The following RNF217 variants were observed in gnomAD, a reference collection of about 807,000 sequenced individuals.
RNF217 encodes the protein ring finger protein 217.
RNF217 carries 31 observed loss-of-function variants against 57.8 expected under a neutral mutation model. The ratio of observed to expected loss-of-function variants is 0.54; its 90% CI spans 0.40 to 0.72. The LOEUF (loss-of-function observed/expected upper bound fraction) is 0.72, where lower values mean the gene tolerates loss of function less well. Among genes scored for constraint, RNF217 ranks in the 30% least tolerant of loss-of-function variants. The pLI, the probability that RNF217 is intolerant of heterozygous loss-of-function variation, is 0.00. For missense variants in RNF217, 696 were observed against 708.3 expected (o/e 0.98, Z 0.20); for synonymous variants, 313 against 294.0 (o/e 1.06, Z -0.66).
intron 1 of RNF217, among the ~76,000 whole-genome samples, chr6:125,025,325 A>G (rs1223750498): frequency 6.6e-6 from 1 of 152,196 alleles, no homozygotes; most frequent in East Asian, 1.9e-4. Context: ...GCAAATGGAC[A>G]GATGATAAGG....
intron 3 of RNF217, among the ~76,000 whole-genome samples, chr6:125,067,289 GT>G (rs1424053486): frequency 6.6e-6 from 1 of 152,166 alleles, no homozygotes; most frequent in African/African-American, 2.4e-5. Flanking sequence ...AGATAGTTGG[GT>G]TTTATCCTCC....
At position 125,092,312 on chromosome 6, in the gene RNF217, C is replaced by T. The variant is rs1420601687; in HGVS notation, c.*9375C>T. The T allele has an allele frequency of 6.6e-6, 1 of 152,144 alleles. No individual in the cohort carries two copies. Among genetic ancestry groups the T allele is most frequent in the Non-Finnish European group, 1.5e-5 (1 of 68,020 alleles). The allele number at this position is 152,144 out of a possible 1,614,324, so 9.4% of individuals were successfully genotyped here. A position where few individuals can be genotyped will look rare whatever the true frequency, so the allele number is the denominator to read the frequency against. On this transcript the variant is annotated 3_prime_UTR_variant, in exon 6 of 6. Transcript: ENST00000521654. ...AGGGACAAGTCTTTCAAAAGACGGA[C>T]ACCTTGTGATATTTTGGAGTCTAAT...
intron 1 of RNF217, among the ~76,000 whole-genome samples, chr6:125,026,384 T>C (rs569327950): frequency 1.0e-3 from 156 of 152,266 alleles, no homozygotes; most frequent in African/African-American, 3.6e-3. Flanking sequence ...GGTTAATCAA[T>C]GGAAAATGCT....
At chr6:125,009,875 T>C (rs575489835) in intron 1 of RNF217, among the ~76,000 whole-genome samples, 1 of 152,314 alleles carries the variant, frequency 6.6e-6, no homozygotes, top group East Asian at 1.9e-4. Flanking sequence ...ATGTTCAGAT[T>C]CCCATATTGC....
chr6:125,078,232 C>G (rs1788452578), intron 4 of RNF217, among the ~76,000 whole-genome samples: 1 of 152,146 alleles, frequency 6.6e-6, no homozygotes, highest in Non-Finnish European at 1.5e-5. Context: ...ACCTTAACCT[C>G]TAATACCATG....
Position 125,069,094 on chromosome 6 carries a change from G to A in RNF217, c.1282-7563G>A, listed in dbSNP as rs1310532022. 2.6e-5 allele frequency among the ~76,000 whole-genome samples: 4 copies of A among 152,052 alleles called. No homozygotes were observed. The East Asian group carries it at 7.7e-4, about 29-fold the overall frequency. On this transcript the variant is annotated intron_variant, in intron 3 of 5. Transcript: ENST00000521654. ...GCTCTACCCTGAGGAATAAGATTTG[G>A]ACAGTATACTACACTTTAATGAATT...
At chr6:124,982,936 T>G (rs1784230515) in intron 1 of RNF217, among the ~76,000 whole-genome samples, 1 of 152,214 alleles carries the variant, frequency 6.6e-6, no homozygotes, top group African/African-American at 2.4e-5. Context: ...AATTCATTCA[T>G]CTTTCCTTGG....
Position 125,041,395 on chromosome 6 carries a change from C to G in RNF217, c.883-3816C>G, listed in dbSNP as rs111818902. Among the ~76,000 whole-genome samples, 530 of 152,216 alleles carry G rather than the reference C, an allele frequency of 3.5e-3. 1 individual carries two copies. Among genetic ancestry groups the G allele is most frequent in the African/African-American group, 0.012 (502 of 41,562 alleles). On this transcript the variant is annotated intron_variant, in intron 1 of 5. Coordinates refer to ENST00000521654, the MANE Select transcript of RNF217 (RefSeq NM_001286398.3). ...AGTCTGTTCTCCAAGAAGAGCATGT[C>G]AGTCCTCCTCATAAAACCAGTGATT...
intron 1 of RNF217, among the ~76,000 whole-genome samples, chr6:125,014,085 C>T (rs1167690240): frequency 5.9e-5 from 9 of 152,184 alleles, no homozygotes; most frequent in African/African-American, 1.9e-4. Flanking sequence ...TGTGTACACA[C>T]ATACAGAGGA....
intron 1 of RNF217, among the ~76,000 whole-genome samples, chr6:125,037,381 T>C (rs1352556887): frequency 6.6e-6 from 1 of 152,180 alleles, no homozygotes; most frequent in Non-Finnish European, 1.5e-5. Context: ...GGAATATGCC[T>C]TTTTCTCTGG....
chr6:124,963,512 G>A (rs1364017597), intron 1 of RNF217, 86 bp downstream of exon 1: 8 of 1,397,572 alleles, frequency 5.7e-6, no homozygotes, highest in Non-Finnish European at 7.5e-6. Flanking sequence ...CCCTGCTCGC[G>A]CGAAGAGGTG....
At chr6:124,976,470 A>G (rs996832187) in intron 1 of RNF217, among the ~76,000 whole-genome samples, 1 of 150,918 alleles carries the variant, frequency 6.6e-6, no homozygotes, top group African/African-American at 2.5e-5. Flanking sequence ...GGGTTTCACT[A>G]TGTTGGCCAG....
chr6:125,072,504 A>G (rs531436097), intron 3 of RNF217, among the ~76,000 whole-genome samples: 2 of 152,324 alleles, frequency 1.3e-5, no homozygotes. Context: ...ATAAGGAAAG[A>G]CTGTTAAAAG....
intron 1 of RNF217, among the ~76,000 whole-genome samples, chr6:125,034,439 T>G (rs1786511815): frequency 6.6e-6 from 1 of 152,188 alleles, no homozygotes; most frequent in Non-Finnish European, 1.5e-5. Flanking sequence ...CCAGCACCAT[T>G]TATTAAATAG....
chr6:125,024,141 G>A (rs990653864), intron 1 of RNF217, among the ~76,000 whole-genome samples: 2 of 152,162 alleles, frequency 1.3e-5, no homozygotes, highest in African/African-American at 4.8e-5. Flanking sequence ...CCAAAGCCTG[G>A]ACTAAGTAGC....
chr6:125,030,957 G>A lies in RNF217; in HGVS notation c.883-14254G>A, dbSNP rs111734761. Among the ~76,000 whole-genome samples, 696 of 152,302 alleles carry A rather than the reference G, an allele frequency of 4.6e-3. 3 individuals carry two copies. Among genetic ancestry groups the A allele is most frequent in the South Asian group, 0.019 (94 of 4,832 alleles). ...GCAGCACACTTTTGCCTGGGCATCC[G>A]GGCGTTTCCCTACATCTTCTGAAAT... On this transcript the variant is annotated intron_variant, in intron 1 of 5. Coordinates refer to ENST00000521654, the MANE Select transcript of RNF217 (RefSeq NM_001286398.3).
chr6:124,983,410 G>C, intron 1 of RNF217: 1 of 985,034 alleles, frequency 1.0e-6, no homozygotes, highest in South Asian at 4.7e-5. Context: ...TTAAGGTAGA[G>C]AGTGAAATAT....
intron 1 of RNF217, among the ~76,000 whole-genome samples, chr6:124,964,402 C>T (rs1007332377): frequency 1.3e-5 from 2 of 151,972 alleles, no homozygotes; most frequent in Admixed American, 1.3e-4. Context: ...TTGTTTCTTT[C>T]GTGTCTGCTT....
At position 125,076,803 on chromosome 6, in the gene RNF217, T is replaced by A; in HGVS notation, c.1428T>A (p.Tyr476Ter). The A allele has an allele frequency of 6.2e-7, 1 of 1,613,668 alleles. No individual in the cohort carries two copies. Among genetic ancestry groups the A allele is most frequent in the Non-Finnish European group, 8.5e-7 (1 of 1,179,736 alleles). The change falls in exon 4 of 6, where the codon TAT (tyrosine) becomes TAA (stop). Residue 476 changes from tyrosine (Y) to a stop codon, truncating the protein, a stop_gained. Transcript: ENST00000521654. LOFTEE classifies it high-confidence loss of function. ...TSNLSIFGCK[Y>*]RYLPERPHLR... is the part of the protein sequence containing the mutation. ...ACCTCAGTATATTTGGATGCAAATATCGCTACCTCCCAGAGAGACCTCATT... is the reference window on the plus strand; with the variant it reads ...ACCTCAGTATATTTGGATGCAAATAACGCTACCTCCCAGAGAGACCTCATT...
Sources: gnomAD v4.1 joint callset for allele counts (sites outside exome capture counted in the v4.1 genomes callset) on GRCh38, gnomAD v4.1.1 for gene constraint, MANE v1.5 for transcripts, NCBI Gene and HGNC (gene_info 2026-07-23, HGNC 2026-07-21) for gene names.